The following NDRG1 variants were observed in gnomAD, a reference collection of about 807,000 sequenced individuals.
NDRG1 encodes the protein N-myc downstream regulated 1.
In NDRG1, 32 loss-of-function variants were observed where a neutral mutation model predicts 56.9. The observed-to-expected ratio is 0.56, with a 90% CI of 0.42 to 0.76. The LOEUF is 0.76. Ranked by LOEUF, NDRG1 falls within the 30% of genes least tolerant of loss-of-function variation. The probability of loss-of-function intolerance (pLI) is 0.00; values close to 1 mark genes in which losing one functional copy is unlikely to be tolerated. For synonymous variants in NDRG1, 211 were observed against 204.1 expected (o/e 1.03, Z -0.29); for missense variants, 507 against 545.7 (o/e 0.93, Z 0.71).
intron 3 of NDRG1, among the ~76,000 whole-genome samples, chr8:133,271,092 G>A (rs904751626): frequency 6.6e-6 from 1 of 152,322 alleles, no homozygotes; most frequent in African/African-American, 2.4e-5. Flanking sequence ...GGGCTCTGGA[G>A]GCCAGCTGTG....
chr8:133,239,303 C>T (rs1855251522), intron 15 of NDRG1, 184 bp from the exon 16 acceptor site: 6 of 977,768 alleles, frequency 6.1e-6, no homozygotes, highest in African/African-American at 1.6e-5. Flanking sequence ...ATGGCAAGGC[C>T]CAGATGCGGG....
chr8:133,244,756 C>A, intron 13 of NDRG1: 1 of 413,588 alleles, frequency 2.4e-6, no homozygotes, highest in Non-Finnish European at 4.5e-6. Flanking sequence ...ATCTCTCTGA[C>A]CCGAAAGGGT....
chr8:133,279,448 A>G (rs988203616), intron 3 of NDRG1, among the ~76,000 whole-genome samples: 6 of 152,238 alleles, frequency 3.9e-5, no homozygotes, highest in Non-Finnish European at 7.3e-5. Context: ...GAGGTAGAAT[A>G]GAGGAGTGAG....
chr8:133,255,111 G>A, intron 8 of NDRG1: 1 of 338,854 alleles, frequency 3.0e-6, no homozygotes, highest in African/African-American at 2.1e-5. Context: ...GTTTGCAGCA[G>A]GAGCTCTATA....
chr8:133,294,686 C>A, intron 1 of NDRG1, among the ~76,000 whole-genome samples: 1 of 152,018 alleles, frequency 6.6e-6, no homozygotes, highest in Non-Finnish European at 1.5e-5. Context: ...GGGGGGCAGC[C>A]CCATTCAGTC....
At chr8:133,274,822 G>A (rs1161839030) in intron 3 of NDRG1, among the ~76,000 whole-genome samples, 1 of 152,148 alleles carries the variant, frequency 6.6e-6, no homozygotes, top group Non-Finnish European at 1.5e-5. Context: ...GGCTCAATGT[G>A]GCTCACTTCA....
At chr8:133,285,340 G>GT (rs1858047637) in intron 1 of NDRG1, among the ~76,000 whole-genome samples, 1 of 152,190 alleles carries the variant, frequency 6.6e-6, no homozygotes, top group Non-Finnish European at 1.5e-5. Context: ...CGGCGGAGAA[G>GT]AAGTAAGTGA....
intron 1 of NDRG1, among the ~76,000 whole-genome samples, chr8:133,285,119 T>C (rs1412231806): frequency 6.6e-6 from 1 of 152,172 alleles, no homozygotes; most frequent in Non-Finnish European, 1.5e-5. Flanking sequence ...AGACTTGGAA[T>C]GCTGCCACTG....
chr8:133,270,823 C>T (rs1857151872), intron 3 of NDRG1, among the ~76,000 whole-genome samples: 1 of 152,200 alleles, frequency 6.6e-6, no homozygotes, highest in Admixed American at 6.5e-5. Flanking sequence ...ATGATATAAC[C>T]ACCACGTGCC....
intron 9 of NDRG1, among the ~76,000 whole-genome samples, chr8:133,252,615 C>T (rs1452640598): frequency 4.0e-5 from 6 of 150,666 alleles, no homozygotes; most frequent in Admixed American, 2.0e-4. Flanking sequence ...TCGCCAACTC[C>T]GGAGTGGGGC....
At chr8:133,264,481 G>A (rs996618235) in intron 4 of NDRG1, 66 bp downstream of exon 4, 24 of 1,449,982 alleles carry the variant, frequency 1.7e-5, no homozygotes, top group East Asian at 9.1e-5. Context: ...AGCCCTTCTC[G>A]GCTGCCTTTT....
At chr8:133,271,445 A>G (rs985508784) in intron 3 of NDRG1, among the ~76,000 whole-genome samples, 1 of 152,010 alleles carries the variant, frequency 6.6e-6, no homozygotes, top group Non-Finnish European at 1.5e-5. Context: ...TCCTCCCCCT[A>G]TATTTTCCTG....
At chr8:133,249,982 T>C (rs1043773942) in intron 10 of NDRG1, among the ~76,000 whole-genome samples, 7 of 152,246 alleles carry the variant, frequency 4.6e-5, no homozygotes, top group South Asian at 2.1e-4. Context: ...CTAGTGCTGG[T>C]TGAGAGGGCC....
chr8:133,286,573 G>T (rs1783615079), intron 1 of NDRG1, among the ~76,000 whole-genome samples: 1 of 152,192 alleles, frequency 6.6e-6, no homozygotes, highest in Admixed American at 6.5e-5. Flanking sequence ...GTGTGTCCTA[G>T]AAATATCAAG....
chr8:133,244,399 G>C lies in NDRG1; in HGVS notation c.856-9C>G, dbSNP rs772996128. On this transcript the variant is annotated splice_polypyrimidine_tract_variant and intron_variant, in intron 13 of 15. Coordinates refer to ENST00000323851, the MANE Select transcript of NDRG1 (RefSeq NM_006096.4). ...CCGCCACAGTCCGCCATCTAGGAGA[G>C]AGGGAAGCTCGTTAGTGCCAAACAC... The C allele has an allele frequency of 2.5e-6, 4 of 1,614,226 alleles. No individual in the cohort carries two copies. Among genetic ancestry groups the C allele is most frequent in the Admixed American group, 1.7e-5 (1 of 60,034 alleles).
intron 1 of NDRG1, chr8:133,296,916 T>C (rs1858810281): frequency 5.3e-6 from 1 of 189,004 alleles, no homozygotes; most frequent in Non-Finnish European, 1.1e-5. Context: ...CTGTCTTTTT[T>C]TCCTCCCTTT....
intron 3 of NDRG1, among the ~76,000 whole-genome samples, chr8:133,279,165 C>T (rs1857634088): frequency 1.3e-5 from 2 of 152,330 alleles, no homozygotes; most frequent in Middle Eastern, 3.4e-3. Context: ...GCTAGGATTA[C>T]AGGCATGAGC....
chr8:133,262,196 G>GA, intron 4 of NDRG1, 29 bp from the exon 5 acceptor site: 1 of 1,613,560 alleles, frequency 6.2e-7, no homozygotes. Context: ...GGAGAGAAGA[G>GA]AAAAAAGTAA....
At chr8:133,247,617 A>C (rs1038823099) in intron 12 of NDRG1, among the ~76,000 whole-genome samples, 2 of 152,242 alleles carry the variant, frequency 1.3e-5, no homozygotes, top group Non-Finnish European at 2.9e-5. Flanking sequence ...TGCCCATATA[A>C]ACAAGCCGAT....
Sources: gnomAD v4.1 joint callset for allele counts (sites outside exome capture counted in the v4.1 genomes callset) on GRCh38, gnomAD v4.1.1 for gene constraint, MANE v1.5 for transcripts, NCBI Gene and HGNC (gene_info 2026-07-23, HGNC 2026-07-21) for gene names.